POLE2: variants seen among roughly 807,000 people sequenced by gnomAD.
The protein encoded by POLE2 is DNA polymerase epsilon subunit 2.
A neutral mutation model predicts 79.4 loss-of-function variants in POLE2; 56 were observed. The ratio of observed to expected loss-of-function variants is 0.71; its 90% CI spans 0.57 to 0.88. POLE2 has a LOEUF of 0.88. Among genes scored for constraint, POLE2 ranks in the 40% least tolerant of loss-of-function variants. The probability of loss-of-function intolerance (pLI) is 0.00; values close to 1 mark genes in which losing one functional copy is unlikely to be tolerated. For synonymous variants in POLE2, 212 were observed against 214.0 expected (o/e 0.99, Z 0.08); for missense variants, 598 against 638.9 (o/e 0.94, Z 0.69).
chr14:49,664,694 A>T lies in POLE2; in HGVS notation c.634-20T>A. On this transcript the variant is annotated intron_variant, in intron 8 of 18. Coordinates refer to ENST00000216367, the MANE Select transcript of POLE2 (RefSeq NM_002692.4). ...GAACTGGTACACAACAGTTGAGGAA[A>T]ATAATTCTATTCTTGAGGCAGTAAT... 6.7e-7 allele frequency: 1 copy of T among 1,498,240 alleles called. No individual in the cohort carries two copies. Among genetic ancestry groups the T allele is most frequent in the South Asian group, 1.1e-5 (1 of 87,922 alleles). 92.8% of individuals were successfully genotyped at this position (1,498,240 alleles called of 1,614,324 possible).
At chr14:49,653,505 T>C (rs574845781) in intron 15 of POLE2, among the ~76,000 whole-genome samples, 282 of 152,362 alleles carry the variant, frequency 1.9e-3, no homozygotes, top group Non-Finnish European at 3.6e-3. Context: ...TATTTAAATA[T>C]AGTTAAACTA....
At chr14:49,653,912 A>T (rs1884461715) in intron 15 of POLE2, 78 bp downstream of exon 15, 4 of 822,102 alleles carry the variant, frequency 4.9e-6, no homozygotes, top group Non-Finnish European at 2.0e-6. Context: ...AAGTGCTGAG[A>T]TTACAGACAT....
intron 17 of POLE2, chr14:49,650,057 T>C: frequency 3.3e-6 from 1 of 304,014 alleles, no homozygotes; most frequent in Non-Finnish European, 5.9e-6. Context: ...TTTTTGTTTT[T>C]TAAGTCATGT....
chr14:49,651,418 A>G, intron 15 of POLE2, 41 bp from the exon 16 acceptor site: 1 of 839,816 alleles, frequency 1.2e-6, no homozygotes, highest in Non-Finnish European at 1.9e-6. Flanking sequence ...TCTCAGAAAA[A>G]AATGATATTA....
At chr14:49,654,525 A>G (rs1884509188) in intron 13 of POLE2, 1 of 454,328 alleles carries the variant, frequency 2.2e-6, no homozygotes, top group African/African-American at 2.0e-5. Context: ...ATCATATCGG[A>G]GAGTGAAGCT....
chr14:49,682,640 G>GGAAAAAAAAAAAAAAAAAA (rs1373991966), intron 2 of POLE2, among the ~76,000 whole-genome samples: 7 of 60,976 alleles, frequency 1.1e-4, no homozygotes, highest in African/African-American at 4.0e-4. Context: ...CCTTCTCAGG[G>GGAAAAAAAAAAAAAAAAAA]AAAAAAAAAA....
intron 18 of POLE2, among the ~76,000 whole-genome samples, chr14:49,645,702 C>T (rs1883710130): frequency 6.6e-6 from 1 of 152,158 alleles, no homozygotes; most frequent in Admixed American, 6.5e-5. Context: ...TTCACTGCAA[C>T]CTCTGACTCC....
chr14:49,666,469 A>C, intron 6 of POLE2, 56 bp from the exon 7 acceptor site: 2 of 723,660 alleles, frequency 2.8e-6, no homozygotes, highest in Non-Finnish European at 4.3e-6. Flanking sequence ...TCAAGAAACA[A>C]AACTTTTTAT....
At chr14:49,653,654 G>GT (rs1884440950) in intron 15 of POLE2, among the ~76,000 whole-genome samples, 1 of 150,496 alleles carries the variant, frequency 6.6e-6, no homozygotes, top group African/African-American at 2.4e-5. Context: ...TTTGTTTTTT[G>GT]TTTTTTTGAG....
intron 6 of POLE2, among the ~76,000 whole-genome samples, 173 bp downstream of exon 6, chr14:49,669,351 G>A (rs913810385): frequency 1.3e-5 from 2 of 152,200 alleles, no homozygotes; most frequent in Non-Finnish European, 2.9e-5. Flanking sequence ...AGAGATTTGT[G>A]GGACACAGGA....
chr14:49,666,536 A>C, intron 6 of POLE2, 123 bp from the exon 7 acceptor site: 1 of 440,102 alleles, frequency 2.3e-6, no homozygotes, highest in Non-Finnish European at 4.0e-6. Context: ...ACAGTAGAAA[A>C]TCAAATAAAA....
chr14:49,677,293 A>G (rs1021923689), intron 3 of POLE2: 17 of 562,672 alleles, frequency 3.0e-5, no homozygotes, highest in African/African-American at 2.6e-4. Flanking sequence ...TAAGAGAGAT[A>G]TACTGTGGAA....
chr14:49,674,323 T>C (rs1566561238), intron 4 of POLE2, 27 bp downstream of exon 4: 4 of 1,534,734 alleles, frequency 2.6e-6, no homozygotes, highest in Admixed American at 3.4e-5. Flanking sequence ...TTGAAATTAA[T>C]TTAAAATCAG....
At chr14:49,679,700 A>G (rs1886558436) in intron 3 of POLE2, 25 bp downstream of exon 3, 1 of 1,346,622 alleles carries the variant, frequency 7.4e-7, no homozygotes, top group East Asian at 2.3e-5. Flanking sequence ...TCCAAGGAGG[A>G]AAAAAGTTAA....
At chr14:49,656,006 C>T (rs999845333) in intron 10 of POLE2, among the ~76,000 whole-genome samples, 163 bp from the exon 11 acceptor site, 4 of 152,112 alleles carry the variant, frequency 2.6e-5, no homozygotes, top group African/African-American at 4.8e-5. Context: ...TATTCTAAAA[C>T]AAGATAAGCA....
At position 49,679,779 on chromosome 14, in the gene POLE2, C is replaced by A; in HGVS notation, c.191G>T (p.Arg64Leu). 5 of 1,600,780 alleles carry A rather than the reference C, an allele frequency of 3.1e-6. No individual in the cohort carries two copies. Among genetic ancestry groups the A allele is most frequent in the Non-Finnish European group, 3.4e-6 (4 of 1,169,010 alleles). The change falls in exon 3 of 19, where the codon CGA becomes CTA. Residue 64 changes from arginine to leucine, a missense_variant. Coordinates refer to ENST00000216367, the MANE Select transcript of POLE2 (RefSeq NM_002692.4). Reference sequence around the variant, plus strand: ...CTGGACTGCTGCTTCCACCACAGATCGTTCAATCATGTTTGATGACACTGA... The same window carrying A: ...CTGGACTGCTGCTTCCACCACAGATAGTTCAATCATGTTTGATGACACTGA... ...KQPLSSNMIE[R>L]SVVEAAVQEC...
rs891783105 is a variant in POLE2 at position 49,670,193 on chromosome 14, G to A, written c.418-595C>T. 1.3e-4 allele frequency among the ~76,000 whole-genome samples: 20 copies of A among 151,948 alleles called. No homozygotes were observed. The South Asian group carries it at 1.9e-3, about 14-fold the overall frequency. Reference sequence around the variant, plus strand: ...TAGCTGGGTGTGGTGGCAGGTGCCTGTAATCCCAGCTACTCAGGAGGCTGA... The same window carrying A: ...TAGCTGGGTGTGGTGGCAGGTGCCTATAATCCCAGCTACTCAGGAGGCTGA... On this transcript the variant is annotated intron_variant, in intron 5 of 18. Transcript: ENST00000216367.
chr14:49,657,440 T>C (rs1449691639), intron 10 of POLE2, among the ~76,000 whole-genome samples: 1 of 151,918 alleles, frequency 6.6e-6, no homozygotes, highest in East Asian at 1.9e-4. Context: ...TTTTTTTTTT[T>C]TTTCTTTTTT....
chr14:49,656,366 A>ACC, intron 10 of POLE2, among the ~76,000 whole-genome samples: 1 of 151,446 alleles, frequency 6.6e-6, no homozygotes, highest in Non-Finnish European at 1.5e-5. Context: ...AAAAAAAAAA[A>ACC]AAAAAACTGA....
Sources: gnomAD v4.1 joint callset for allele counts (sites outside exome capture counted in the v4.1 genomes callset) on GRCh38, gnomAD v4.1.1 for gene constraint, MANE v1.5 for transcripts, NCBI Gene and HGNC (gene_info 2026-07-23, HGNC 2026-07-21) for gene names.